ARHGAP44: variants seen among roughly 807,000 people sequenced by gnomAD.
ARHGAP44 encodes Rho GTPase activating protein 44, also known as rho GTPase-activating protein 44.
ARHGAP44 carries 43 observed loss-of-function variants against 106.8 expected under a neutral mutation model. That is an observed-to-expected ratio of 0.40 (90% CI 0.32 to 0.52). ARHGAP44 has a LOEUF of 0.52. Ranked by LOEUF, ARHGAP44 falls within the 20% of genes least tolerant of loss-of-function variation. The pLI is 0.48. For missense variants in ARHGAP44, 866 were observed against 1,050.5 expected, an observed-to-expected ratio of 0.82 and a Z score of 2.43; for synonymous variants, 439 against 410.3, an observed-to-expected ratio of 1.07 and a Z score of -0.85.
intron 20 of ARHGAP44, chr17:12,987,040 T>G (rs1219309790): frequency 1.5e-5 from 19 of 1,252,368 alleles, no homozygotes; most frequent in Admixed American, 5.7e-5. Flanking sequence ...TTTTTTTTTG[T>G]GACGTTCATG....
intron 1 of ARHGAP44, among the ~76,000 whole-genome samples, chr17:12,885,229 A>G (rs1042223511): frequency 2.6e-5 from 4 of 152,136 alleles, no homozygotes; most frequent in Non-Finnish European, 2.9e-5. Flanking sequence ...ATATGCACCT[A>G]TTCTCTAGTT....
chr17:12,811,425 G>T (rs902122969), intron 1 of ARHGAP44, among the ~76,000 whole-genome samples: 1 of 152,152 alleles, frequency 6.6e-6, no homozygotes, highest in Non-Finnish European at 1.5e-5. Flanking sequence ...AGGCTGAGAG[G>T]GAGAAGGAAG....
chr17:12,812,026 A>T (rs927924556), intron 1 of ARHGAP44, among the ~76,000 whole-genome samples: 11 of 152,058 alleles, frequency 7.2e-5, no homozygotes, highest in Admixed American at 6.6e-4. Flanking sequence ...ACACAATTGA[A>T]CCCACAGGGC....
chr17:12,877,375 A>T (rs2036588315), intron 1 of ARHGAP44, among the ~76,000 whole-genome samples: 1 of 152,194 alleles, frequency 6.6e-6, no homozygotes, highest in South Asian at 2.1e-4. Flanking sequence ...CAAGAGACCC[A>T]CCCTGGCTTA....
Position 12,803,813 on chromosome 17 carries a change from G to C in ARHGAP44, c.53+13922G>C, listed in dbSNP as rs151064050. Among the ~76,000 whole-genome samples the C allele has an allele frequency of 6.1e-3, 928 of 151,604 alleles. 18 individuals are homozygous for C. Among genetic ancestry groups the C allele is most frequent in the African/African-American group, 0.022 (891 of 41,322 alleles). On this transcript the variant is annotated intron_variant, in intron 1 of 20. Coordinates refer to ENST00000379672, the MANE Select transcript of ARHGAP44 (RefSeq NM_014859.6). ...CTTTTTTTCAAGTTTTGTTCTGTGG[G>C]GAAAAAAATCCTAGCACTGTTGGAA...
chr17:12,861,596 T>C (rs2036076132), intron 1 of ARHGAP44, among the ~76,000 whole-genome samples: 1 of 151,506 alleles, frequency 6.6e-6, no homozygotes, highest in South Asian at 2.1e-4. Context: ...GCTCTGATCC[T>C]TCTTTGGTCA....
chr17:12,977,809 G>T (rs1351517938), intron 18 of ARHGAP44, among the ~76,000 whole-genome samples: 2 of 152,050 alleles, frequency 1.3e-5, no homozygotes, highest in Non-Finnish European at 2.9e-5. Flanking sequence ...GGTGGCCGAG[G>T]GGGGTGGATC....
At chr17:12,842,465 A>T (rs55910925) in intron 1 of ARHGAP44, among the ~76,000 whole-genome samples, 12,918 of 150,200 alleles carry the variant, frequency 0.086, 1,117 homozygotes, top group African/African-American at 0.23. Context: ...GAAAAAAATC[A>T]TCCCAGGTTA....
At chr17:12,921,436 C>G (rs2038081810) in intron 6 of ARHGAP44, among the ~76,000 whole-genome samples, 1 of 152,170 alleles carries the variant, frequency 6.6e-6, no homozygotes, top group Non-Finnish European at 1.5e-5. Context: ...CTCTTGAACT[C>G]TTGGGCTCAA....
intron 1 of ARHGAP44, among the ~76,000 whole-genome samples, chr17:12,819,775 C>T (rs2034709274): frequency 6.6e-6 from 1 of 151,974 alleles, no homozygotes; most frequent in Non-Finnish European, 1.5e-5. Context: ...TTCATCTCTT[C>T]TGTTTTGATT....
In ARHGAP44 at chr17:12,864,352, T is replaced by A. The variant is rs1713348554; in HGVS notation, c.54-30588T>A. On this transcript the variant is annotated intron_variant, in intron 1 of 20. Transcript: ENST00000379672. ...GGCCAGAGTGTTACTCTCCTCAGGC[T>A]TAGGGTAGCCACTGTTGGTTTTGAA... 3.9e-5 allele frequency among the ~76,000 whole-genome samples: 6 copies of A among 152,318 alleles called. 1 individual carries two copies. In the South Asian group the frequency reaches 1.2e-3, roughly 32 times the overall value.
intron 18 of ARHGAP44, among the ~76,000 whole-genome samples, chr17:12,978,775 A>G (rs952445490): frequency 1.4e-5 from 2 of 145,504 alleles, no homozygotes; most frequent in African/African-American, 5.2e-5. Flanking sequence ...TGCAACCTCC[A>G]TCTCCCGGGT....
At chr17:12,965,970 C>T (rs117658346) in intron 16 of ARHGAP44, among the ~76,000 whole-genome samples, 15,250 of 151,962 alleles carry the variant, frequency 0.1, 887 homozygotes, top group South Asian at 0.2. Context: ...CTGAGCAACC[C>T]AGTGAGACAT....
chr17:12,927,085 AT>A (rs904991948), intron 6 of ARHGAP44, among the ~76,000 whole-genome samples: 1 of 151,232 alleles, frequency 6.6e-6, no homozygotes, highest in Non-Finnish European at 1.5e-5. Flanking sequence ...TTGATCTGTT[AT>A]TTTTTTTTCA....
At chr17:12,975,537 G>C (rs577082738) in intron 18 of ARHGAP44, among the ~76,000 whole-genome samples, 1 of 151,876 alleles carries the variant, frequency 6.6e-6, no homozygotes, top group African/African-American at 2.4e-5. Flanking sequence ...GGTGGCTCAC[G>C]CCTGTAATCC....
chr17:12,907,041 C>G lies in ARHGAP44; in HGVS notation c.199-1856C>G, dbSNP rs1246856026. Among the ~76,000 whole-genome samples, 4 of 152,082 alleles carry G rather than the reference C, an allele frequency of 2.6e-5. No individual in the cohort carries two copies. The East Asian group carries it at 5.8e-4, about 22-fold the overall frequency. ...GAGAGCAGTGTCTAGTTTTGTTTATCACTGGTTTGGTGCCTGCCCTCCATA... is the reference window on the plus strand; with the variant it reads ...GAGAGCAGTGTCTAGTTTTGTTTATGACTGGTTTGGTGCCTGCCCTCCATA... On this transcript the variant is annotated intron_variant, in intron 3 of 20. Transcript: ENST00000379672.
At chr17:12,987,983 C>T (rs2040001791) in intron 20 of ARHGAP44, 1 of 152,194 alleles carries the variant, frequency 6.6e-6, no homozygotes, top group East Asian at 1.9e-4. Flanking sequence ...AGGTCTTCTC[C>T]CCGATTTGGC....
At position 12,941,375 on chromosome 17, in the gene ARHGAP44, C is replaced by T. The variant is rs537745559; in HGVS notation, c.651+251C>T. Among the ~76,000 whole-genome samples the T allele has an allele frequency of 4.1e-4, 63 of 152,204 alleles. No homozygotes were observed. In the Middle Eastern group the frequency reaches 0.017, roughly 41 times the overall value. Reference sequence around the variant, plus strand: ...ATTCTCAGCCAGGAATAATTTTGTTCCTTCTCTTGGTGGGCAGTTGGCAAT... The same window carrying T: ...ATTCTCAGCCAGGAATAATTTTGTTTCTTCTCTTGGTGGGCAGTTGGCAAT... On this transcript the variant is annotated intron_variant, in intron 8 of 20. Coordinates refer to ENST00000379672, the MANE Select transcript of ARHGAP44 (RefSeq NM_014859.6).
chr17:12,859,437 C>T (rs1450926869), intron 1 of ARHGAP44, among the ~76,000 whole-genome samples: 2 of 152,198 alleles, frequency 1.3e-5, no homozygotes, highest in Non-Finnish European at 2.9e-5. Flanking sequence ...GATCTGCCCC[C>T]TTTTTCCTGG....
Sources: allele counts gnomAD v4.1 joint callset (sites outside exome capture counted in the v4.1 genomes callset), GRCh38; gene constraint gnomAD v4.1.1; transcripts MANE v1.5; gene names NCBI Gene and HGNC (gene_info 2026-07-23, HGNC 2026-07-21).